The following KL variants were observed in gnomAD, a reference collection of about 807,000 sequenced individuals.
KL encodes alpha-klotho.
Under a neutral mutation model 84.2 loss-of-function variants are expected in KL, and 62 were observed. The ratio of observed to expected loss-of-function variants is 0.74; its 90% CI spans 0.60 to 0.91. KL has a LOEUF of 0.91. Among genes scored for constraint, KL ranks in the 40% least tolerant of loss-of-function variants. The probability of loss-of-function intolerance (pLI) is 0.00; values close to 1 mark genes in which losing one functional copy is unlikely to be tolerated. For synonymous variants in KL, 528 were observed against 528.0 expected (o/e 1.00, Z 0.00); for missense variants, 1,261 against 1,305.7 (o/e 0.97, Z 0.53).
chr13:33,028,772 T>TA (rs1870868208), intron 1 of KL, among the ~76,000 whole-genome samples: 1 of 152,252 alleles, frequency 6.6e-6, no homozygotes, highest in Non-Finnish European at 1.5e-5. Context: ...CAGTCTTACT[T>TA]ACTACATTAC....
intron 4 of KL, among the ~76,000 whole-genome samples, chr13:33,062,602 C>T (rs527529150): frequency 4.0e-5 from 5 of 125,164 alleles, no homozygotes; most frequent in Non-Finnish European, 7.8e-5. Context: ...GAACTGGGGA[C>T]GTGGAGGCTG....
At chr13:33,020,604 C>G (rs947220178) in intron 1 of KL, among the ~76,000 whole-genome samples, 2 of 152,162 alleles carry the variant, frequency 1.3e-5, no homozygotes, top group African/African-American at 4.8e-5. Flanking sequence ...TTTTACTCTT[C>G]CAGTTGTTGG....
chr13:33,055,961 A>T (rs1325015637), intron 3 of KL, among the ~76,000 whole-genome samples: 1 of 152,210 alleles, frequency 6.6e-6, no homozygotes, highest in Non-Finnish European at 1.5e-5. Context: ...ATTTGACTGG[A>T]TACTCTAGTA....
intron 1 of KL, among the ~76,000 whole-genome samples, chr13:33,023,014 C>T (rs1238715118): frequency 2.0e-5 from 3 of 152,120 alleles, no homozygotes; most frequent in Non-Finnish European, 1.5e-5. Context: ...TTCCAGAGCA[C>T]ATAATATCCC....
In KL at chr13:33,064,921, G is replaced by A. The variant is rs527723516; in HGVS notation, c.*735G>A. 1.3e-4 allele frequency: 30 copies of A among 228,564 alleles called. No individual in the cohort carries two copies. The East Asian group carries it at 1.8e-3, about 13-fold the overall frequency. 14.2% of individuals were successfully genotyped at this position (228,564 alleles called of 1,614,324 possible). On this transcript the variant is annotated 3_prime_UTR_variant, in exon 5 of 5. Transcript: ENST00000380099. ...CATAGGAAACTTTTGATAAGTATCT[G>A]CGGAAAAACAAACATGAATCCTGTG... is the stretch of plus-strand genomic sequence containing the variant.
Position 33,038,079 on chromosome 13 carries a change from ATTCT to A in KL, c.820-15687_820-15684del, listed in dbSNP as rs1593797273. On this transcript the variant is annotated intron_variant, in intron 1 of 4. Coordinates refer to ENST00000380099, the MANE Select transcript of KL (RefSeq NM_004795.4). ...CAATTTTCCACATCCAGCTGTTCAC[ATTCT>A]AATGCATTCTGCAATGGATGATTTT... Among the ~76,000 whole-genome samples the A allele has an allele frequency of 2.0e-5, 3 of 152,320 alleles. No homozygotes were observed. In the East Asian group the frequency reaches 5.8e-4, roughly 29 times the overall value.
chr13:33,043,697 G>A (rs1321990899), intron 1 of KL, among the ~76,000 whole-genome samples: 1 of 152,110 alleles, frequency 6.6e-6, no homozygotes, highest in African/African-American at 2.4e-5. Context: ...GGGAAGGGGA[G>A]TTATTTTTCT....
chr13:33,040,228 A>G (rs980330348), intron 1 of KL, among the ~76,000 whole-genome samples: 3 of 152,232 alleles, frequency 2.0e-5, no homozygotes, highest in African/African-American at 2.4e-5. Context: ...CTTATAAACC[A>G]TAGTGCTGAT....
chr13:33,044,634 G>A (rs1321521131), intron 1 of KL, among the ~76,000 whole-genome samples: 4 of 82,404 alleles, frequency 4.9e-5, no homozygotes, highest in Non-Finnish European at 1.1e-4. Context: ...AAATGCAATT[G>A]ATTTTCTTTT....
chr13:33,025,821 C>T (rs1476307009), intron 1 of KL, among the ~76,000 whole-genome samples: 4 of 112,688 alleles, frequency 3.5e-5, no homozygotes, highest in African/African-American at 1.3e-4. Flanking sequence ...CAGGTTTTTT[C>T]CCCCCAGCTT....
Position 33,061,376 on chromosome 13 carries a change from G to C in KL, c.2297G>C (p.Gly766Ala), listed in dbSNP as rs147902403. ...DIGWLAEPIF[G>A]SGDYPWVMRD... Reference sequence around the variant, plus strand: ...GGCTGGCTGGCTGAGCCCATTTTCGGCTCTGGAGATTATCCATGGGTGATG... The same window carrying C: ...GGCTGGCTGGCTGAGCCCATTTTCGCCTCTGGAGATTATCCATGGGTGATG... Residue 766 changes from glycine to alanine, a missense_variant, in exon 4 of 5, where the codon GGC becomes GCC. Physicochemically the swap from Gly to Ala is moderately conservative, Grantham distance 60. Coordinates refer to ENST00000380099, the MANE Select transcript of KL (RefSeq NM_004795.4). 6.2e-6 allele frequency: 10 copies of C among 1,614,038 alleles called. No homozygotes were observed. Among genetic ancestry groups the C allele is most frequent in the Non-Finnish European group, 8.5e-6 (10 of 1,180,036 alleles).
chr13:33,060,214 G>A (rs1001310029), intron 3 of KL, among the ~76,000 whole-genome samples: 4 of 152,110 alleles, frequency 2.6e-5, no homozygotes, highest in Admixed American at 2.6e-4. Context: ...CAAAGTGCTG[G>A]GATTATAGGC....
In KL at chr13:33,016,976, G is replaced by A. The variant is rs2138183423; in HGVS notation, c.536G>A (p.Arg179Gln). The change falls in exon 1 of 5, where the codon CGG becomes CAG. Residue 179 changes from arginine to glutamine, a missense_variant. Arg to Gln is a conservative substitution (Grantham distance 43, BLOSUM62 1). Transcript: ENST00000380099. The part of the protein sequence containing the change: ...GLRYYRRLLE[R>Q]LRELGVQPVV... ...CGCTACTACCGGCGCCTGCTGGAGC[G>A]GCTGCGGGAGCTGGGCGTGCAGCCC... 1.9e-6 allele frequency: 3 copies of A among 1,596,512 alleles called. No individual in the cohort carries two copies. Among genetic ancestry groups the A allele is most frequent in the Non-Finnish European group, 2.6e-6 (3 of 1,173,996 alleles).
chr13:33,026,967 T>C (rs1385281005), intron 1 of KL, among the ~76,000 whole-genome samples: 2 of 152,226 alleles, frequency 1.3e-5, no homozygotes, highest in African/African-American at 4.8e-5. Flanking sequence ...CTGCTCAGCA[T>C]TGGGCATCCC....
chr13:33,029,608 G>A (rs1397818548), intron 1 of KL, among the ~76,000 whole-genome samples: 2 of 152,162 alleles, frequency 1.3e-5, no homozygotes, highest in African/African-American at 2.4e-5. Flanking sequence ...AGCTATAAGA[G>A]TAGCTGAGAC....
Position 33,060,871 on chromosome 13 carries a change from G to C in KL, c.1792G>C (p.Asp598His). The change falls in exon 4 of 5, where the codon GAC becomes CAC. Residue 598 changes from aspartate (D) to histidine (H), a missense_variant. Asp to His is a moderately conservative substitution (Grantham distance 81). Coordinates refer to ENST00000380099, the MANE Select transcript of KL (RefSeq NM_004795.4). ...MHVTHFRFSL[D>H]WALILPLGNQ... The stretch of plus-strand genomic sequence containing the variant: ...CGTTACACATTTTCGCTTCTCCCTG[G>C]ACTGGGCCCTGATTCTCCCTCTGGG... The C allele has an allele frequency of 6.2e-7, 1 of 1,614,204 alleles. No homozygotes were observed. The highest frequency in any genetic ancestry group is 8.5e-7 in the Non-Finnish European group (1 of 1,180,016).
chr13:33,044,945 C>A (rs925307493), intron 1 of KL, among the ~76,000 whole-genome samples: 6 of 152,090 alleles, frequency 3.9e-5, no homozygotes, highest in African/African-American at 1.4e-4. Context: ...TTTTAATGAA[C>A]AACAAAGTTT....
chr13:33,031,619 G>A (rs552304464), intron 1 of KL, among the ~76,000 whole-genome samples: 4 of 152,090 alleles, frequency 2.6e-5, no homozygotes, highest in South Asian at 2.1e-4. Context: ...CAGACATTTC[G>A]GAAAATAAGG....
chr13:33,035,037 A>G (rs1871107423), intron 1 of KL, among the ~76,000 whole-genome samples: 1 of 152,214 alleles, frequency 6.6e-6, no homozygotes, highest in Admixed American at 6.5e-5. Flanking sequence ...GTGTTATGAA[A>G]AACTTTGACT....
Sources: allele counts gnomAD v4.1 joint callset (sites outside exome capture counted in the v4.1 genomes callset), GRCh38; gene constraint gnomAD v4.1.1; transcripts MANE v1.5; gene names NCBI Gene and HGNC (gene_info 2026-07-23, HGNC 2026-07-21).